WNK3: variants seen among roughly 807,000 people sequenced by gnomAD.
WNK3 encodes WNK lysine deficient protein kinase 3, also known as serine/threonine-protein kinase WNK3.
Under a neutral mutation model 116.7 loss-of-function variants are expected in WNK3, and 18 were observed. That is an observed-to-expected ratio of 0.15 (90% CI 0.11 to 0.23). The LOEUF (loss-of-function observed/expected upper bound fraction) is 0.23, where lower values mean the gene tolerates loss of function less well. Ranked by LOEUF, WNK3 falls within the 10% of genes least tolerant of loss-of-function variation. The pLI is 1.00. For missense variants in WNK3, 993 were observed against 1,323.8 expected (o/e 0.75, Z 3.88); for synonymous variants, 404 against 469.4 (o/e 0.86, Z 1.80).
At chrX:54,219,654 C>T (rs911842048) in intron 22 of WNK3, among the ~76,000 whole-genome samples, 2 of 72,137 alleles carry the variant, frequency 2.8e-5, no homozygotes, top group Non-Finnish European at 4.8e-5. Flanking sequence ...GGCAACAAAA[C>T]GAGACTCCAT....
intron 5 of WNK3, among the ~76,000 whole-genome samples, chrX:54,306,429 G>GTA (rs781934306): frequency 6.3e-5 from 7 of 111,731 alleles, no homozygotes; most frequent in Non-Finnish European, 7.5e-5. Context: ...AGAAAATGTG[G>GTA]TATATATATA....
chrX:54,232,792 T>C lies in WNK3; in HGVS notation c.4840+17A>G. ...TTGGACTAGATTTTTTAAAAATTAC[T>C]TTTATGACTGATTTACCTGTAGCAA... On this transcript the variant is annotated intron_variant, in intron 21 of 23. Coordinates refer to ENST00000354646, the Ensembl canonical transcript of WNK3. The C allele has an allele frequency of 8.4e-7, 1 of 1,192,102 alleles. No individual in the cohort carries two copies. Among genetic ancestry groups the C allele is most frequent in the Non-Finnish European group, 1.1e-6 (1 of 883,949 alleles).
At chrX:54,196,203 T>C (rs1445752137) in exon 24 of WNK3, 2 of 111,099 alleles carry the variant, frequency 1.8e-5, no homozygotes, top group African/African-American at 6.5e-5. Context: ...CACTTTAAAC[T>C]GCAAACCAAT....
chrX:54,282,388 C>A (rs1403876605), intron 10 of WNK3, among the ~76,000 whole-genome samples: 3 of 110,755 alleles, frequency 2.7e-5, no homozygotes, highest in African/African-American at 6.6e-5. Flanking sequence ...ACATTCCCAT[C>A]AACAGTGTAC....
At chrX:54,314,572 C>G (rs1441810482) in intron 2 of WNK3, among the ~76,000 whole-genome samples, 1 of 110,982 alleles carries the variant, frequency 9.0e-6, no homozygotes, top group Non-Finnish European at 1.9e-5. Flanking sequence ...AGTTTAAGAC[C>G]AGCCTGAGCA....
At chrX:54,332,880 G>A (rs868924759) in intron 2 of WNK3, among the ~76,000 whole-genome samples, 5 of 102,361 alleles carry the variant, frequency 4.9e-5, no homozygotes, top group African/African-American at 7.1e-5. Flanking sequence ...AAAAAAAAAA[G>A]AAAAAAGAAA....
intron 10 of WNK3, among the ~76,000 whole-genome samples, chrX:54,285,711 A>C (rs376855337): frequency 8.9e-6 from 1 of 112,554 alleles, no homozygotes; most frequent in Admixed American, 9.5e-5. Context: ...CTAGGCCTTT[A>C]CAGAAAAAGA....
intron 10 of WNK3, among the ~76,000 whole-genome samples, chrX:54,284,660 T>C (rs1228454866): frequency 1.8e-5 from 2 of 112,271 alleles, no homozygotes; most frequent in African/African-American, 6.5e-5. Flanking sequence ...AATGGAACAT[T>C]ATTCTGCAGT....
intron 22 of WNK3, among the ~76,000 whole-genome samples, chrX:54,217,088 G>C (rs2067704594): frequency 1.8e-5 from 2 of 110,247 alleles, no homozygotes; most frequent in Non-Finnish European, 3.8e-5. Flanking sequence ...GGGAGGCCAA[G>C]GCAGGCAGAT....
chrX:54,263,866 C>T (rs896007340), intron 10 of WNK3, among the ~76,000 whole-genome samples: 2 of 109,833 alleles, frequency 1.8e-5, no homozygotes, highest in Non-Finnish European at 3.8e-5. Flanking sequence ...TTGTATAAGG[C>T]CAATTGTTGG....
chrX:54,308,997 T>C (rs1464604110), intron 4 of WNK3, 98 bp downstream of exon 4: 4 of 674,882 alleles, frequency 5.9e-6, no homozygotes, highest in East Asian at 3.4e-5. Context: ...GTGAGCCACA[T>C]TCATCCCACT....
At chrX:54,358,706 C>G (rs1557179845), upstream of WNK3, 1 of 113,196 alleles carries the variant, frequency 8.8e-6, no homozygotes, top group African/African-American at 3.2e-5. Context: ...GAAAGGGAAG[C>G]TATGAAACTG....
intron 2 of WNK3, among the ~76,000 whole-genome samples, chrX:54,330,337 C>A (rs1404984264): frequency 9.0e-6 from 1 of 111,222 alleles, no homozygotes; most frequent in Non-Finnish European, 1.9e-5. Flanking sequence ...TGTGCCACTG[C>A]ACTCTACCCT....
chrX:54,201,630 C>T (rs781981615), intron 23 of WNK3, among the ~76,000 whole-genome samples: 1 of 111,387 alleles, frequency 9.0e-6, no homozygotes, highest in Non-Finnish European at 1.9e-5. Context: ...AAACAAGGGT[C>T]GGCAAACCAC....
chrX:54,340,295 G>T (rs1478955389), intron 1 of WNK3, among the ~76,000 whole-genome samples: 2 of 111,381 alleles, frequency 1.8e-5, no homozygotes, highest in African/African-American at 6.5e-5. Context: ...TGTGATAGGG[G>T]ATGGTATCAA....
chrX:54,240,783 A>G, intron 17 of WNK3, among the ~76,000 whole-genome samples: 1 of 111,278 alleles, frequency 9.0e-6, no homozygotes. Context: ...GTCTCTTTCA[A>G]TGTTATCTCT....
chrX:54,198,111 C>T, exon 24 of WNK3: 1 of 310,913 alleles, frequency 3.2e-6, no homozygotes, highest in Non-Finnish European at 5.5e-6. Flanking sequence ...AGTGAAAAAA[C>T]ATTTCTGTGT....
At position 54,351,577 on chromosome X, in the gene WNK3, C is replaced by T. The variant is rs180670846; in HGVS notation, c.-120+6109G>A. On this transcript the variant is annotated intron_variant, in intron 1 of 23. Coordinates refer to ENST00000354646, the Ensembl canonical transcript of WNK3. Reference sequence around the variant, plus strand: ...CTTAAGCTCAGGAGTTTGAGACCAGCTTGGGCAACATAGCAAGACCTTATC... The same window carrying T: ...CTTAAGCTCAGGAGTTTGAGACCAGTTTGGGCAACATAGCAAGACCTTATC... Among the ~76,000 whole-genome samples the T allele has an allele frequency of 7.2e-5, 8 of 110,552 alleles. No homozygotes were observed. In the East Asian group the frequency reaches 2.0e-3, roughly 28 times the overall value.
intron 2 of WNK3, among the ~76,000 whole-genome samples, chrX:54,314,953 C>T (rs1171331336): frequency 9.0e-6 from 1 of 110,616 alleles, no homozygotes; most frequent in Non-Finnish European, 1.9e-5. Flanking sequence ...ATCTAAAATA[C>T]TAATATTTCC....
Sources: allele counts gnomAD v4.1 joint callset (sites outside exome capture counted in the v4.1 genomes callset), GRCh38; gene constraint gnomAD v4.1.1; transcripts MANE v1.5; gene names NCBI Gene and HGNC (gene_info 2026-07-23, HGNC 2026-07-21).